The following MYH11 variants were observed in gnomAD, a reference collection of about 807,000 sequenced individuals.
The protein encoded by MYH11 is myosin-11.
A neutral mutation model predicts 246.6 loss-of-function variants in MYH11; 80 were observed. That is an observed-to-expected ratio of 0.32 (90% CI 0.27 to 0.39). The LOEUF is 0.39. Ranked by LOEUF, MYH11 falls within the 10% of genes least tolerant of loss-of-function variation. The pLI, the probability that MYH11 is intolerant of heterozygous loss-of-function variation, is 1.00. For missense variants in MYH11, 2,158 were observed against 2,546.8 expected, an observed-to-expected ratio of 0.85 and a Z score of 3.29; for synonymous variants, 1,071 against 1,015.5, an observed-to-expected ratio of 1.05 and a Z score of -1.04.
rs537264747 is a variant in MYH11, at chr16:15,757,615, A to T, written c.1575+212T>A. Among the ~76,000 whole-genome samples, 3,715 of 151,928 alleles carry T rather than the reference A, an allele frequency of 0.024. 140 individuals carry two copies. Among genetic ancestry groups the T allele is most frequent in the African/African-American group, 0.085 (3,508 of 41,422 alleles). On this transcript the variant is annotated intron_variant, in intron 13 of 40. Coordinates refer to ENST00000300036, the MANE Select transcript of MYH11 (RefSeq NM_002474.3). ...AAAAAGAGGATGGAAGGAAGGCAGA[A>T]ATTAAAGAAAATACCTTTGATATGA...
chr16:15,714,839 AG>A (rs1461646638), intron 40 of MYH11, 69 bp downstream of exon 40: 8 of 1,591,232 alleles, frequency 5.0e-6, no homozygotes, highest in Non-Finnish European at 6.9e-6. Context: ...GCAGGCCGAA[AG>A]GAGCCCGAGC....
intron 5 of MYH11, 140 bp from the exon 6 acceptor site, chr16:15,782,617 T>A: frequency 1.5e-6 from 1 of 675,806 alleles, no homozygotes; most frequent in Non-Finnish European, 2.7e-6. Flanking sequence ...ACCCTGATGC[T>A]AATGTTCAGA....
rs2041004644 is a variant in MYH11, at chr16:15,732,716, G to A, written c.3507-8C>T. The A allele has an allele frequency of 5.6e-6, 9 of 1,614,164 alleles. No individual in the cohort carries two copies. Among genetic ancestry groups the A allele is most frequent in the Non-Finnish European group, 3.4e-6 (4 of 1,180,046 alleles). ...TCCTGCTCCCTCTTGGCCCTTGGTG[G>A]GAGGAACACAGTGAATGGCAGTTGG... On this transcript the variant is annotated splice_polypyrimidine_tract_variant and splice_region_variant and intron_variant, in intron 26 of 40. Transcript: ENST00000300036.
chr16:15,851,734 C>T (rs1167682194), intron 1 of MYH11, among the ~76,000 whole-genome samples: 1 of 152,096 alleles, frequency 6.6e-6, no homozygotes, highest in Non-Finnish European at 1.5e-5. Context: ...TCTGCCTAAT[C>T]ATCTGAATAC....
chr16:15,756,447 G>C lies in MYH11; in HGVS notation c.1643C>G (p.Ser548Cys). Residue 548 changes from serine to cysteine, a missense_variant, in exon 14 of 41, where the codon TCT (serine) becomes TGT (cysteine). This residue lies in a region of MYH11 where 317 missense variants were observed against 507.7 expected (regional missense o/e 0.62). Transcript: ENST00000300036. ...CTCCGTGCACAGCTTCTCCACGAAAGACTTGTCCGTGGCTTTGGGGAACCA... is the reference window on the plus strand; with the variant it reads ...CTCCGTGCACAGCTTCTCCACGAAACACTTGTCCGTGGCTTTGGGGAACCA... ...ECWFPKATDK[S>C]FVEKLCTEQG... 1 of 1,614,174 alleles carries C rather than the reference G, an allele frequency of 6.2e-7. No individual in the cohort carries two copies. The highest frequency in any genetic ancestry group is 8.5e-7 in the Non-Finnish European group (1 of 1,180,042).
At chr16:15,838,419 C>G (rs763966413) in intron 1 of MYH11, 150 bp from the exon 2 acceptor site, 1 of 696,248 alleles carries the variant, frequency 1.4e-6, no homozygotes, top group Non-Finnish European at 2.5e-6. Context: ...GGTCAAAGAA[C>G]AGAGACCACC....
intron 9 of MYH11, among the ~76,000 whole-genome samples, chr16:15,765,371 T>A (rs2041959307): frequency 6.6e-6 from 1 of 151,654 alleles, no homozygotes; most frequent in Non-Finnish European, 1.5e-5. Context: ...GACAGAGGAT[T>A]GATGGATAGA....
chr16:15,737,462 C>T lies in MYH11; in HGVS notation c.3280G>A (p.Ala1094Thr), dbSNP rs2041152851. 2 of 1,613,052 alleles carry T rather than the reference C, an allele frequency of 1.2e-6. No individual in the cohort carries two copies. Among genetic ancestry groups the T allele is most frequent in the Non-Finnish European group, 1.7e-6 (2 of 1,180,028 alleles). Residue 1094 changes from alanine to threonine, a missense_variant, in exon 25 of 41, where the codon GCG becomes ACG. Coordinates refer to ENST00000300036, the MANE Select transcript of MYH11 (RefSeq NM_002474.3). ...CAGCCCCGCTACCTGGCCAGGGCCG[C>T]CTGCAGCTCCTCCTCCTTCTTGGCC... ...QLAKKEEELQAALARLDDEIA... is the reference protein window; with the variant it reads ...QLAKKEEELQTALARLDDEIA...
intron 14 of MYH11, among the ~76,000 whole-genome samples, chr16:15,754,109 C>T (rs1188966969): frequency 2.6e-5 from 4 of 151,702 alleles, no homozygotes; most frequent in Admixed American, 1.3e-4. Flanking sequence ...GCCAGCTACT[C>T]GGGAGGCTGA....
chr16:15,708,523 T>G (rs908854333), intron 40 of MYH11, among the ~76,000 whole-genome samples: 4 of 152,172 alleles, frequency 2.6e-5, no homozygotes, highest in African/African-American at 9.7e-5. Flanking sequence ...CTCTGCCATC[T>G]CGTCAAGATG....
rs2041906027 is a variant in MYH11, at chr16:15,763,149, A to C, written c.1129+647T>G. On this transcript the variant is annotated intron_variant, in intron 10 of 40. Transcript: ENST00000300036. ...AAGGGACATAATTAAAATTTAAAAA[A>C]AGGTTTGTTGTTTACCTAAAATTGA... 3.9e-5 allele frequency among the ~76,000 whole-genome samples: 6 copies of C among 152,304 alleles called. 1 individual carries two copies. The South Asian group carries it at 1.2e-3, about 32-fold the overall frequency.
Position 15,724,261 on chromosome 16 carries a change from T to C in MYH11, c.4265A>G (p.Lys1422Arg). Residue 1422 changes from lysine to arginine, a missense_variant, in exon 31 of 41, where the codon AAG becomes AGG. Coordinates refer to ENST00000300036, the MANE Select transcript of MYH11 (RefSeq NM_002474.3). ...AAAYDKLEKT[K>R]NRLQQELDDL... Reference sequence around the variant, plus strand: ...GTCCAGCTCCTGCTGAAGCCTGTTCTTGGTCTTTTCCAGTTTATCATAAGC... The same window carrying C: ...GTCCAGCTCCTGCTGAAGCCTGTTCCTGGTCTTTTCCAGTTTATCATAAGC... The C allele has an allele frequency of 6.2e-7, 1 of 1,614,246 alleles. No individual in the cohort carries two copies.
chr16:15,782,824 C>T (rs2042387542), intron 5 of MYH11: 1 of 334,152 alleles, frequency 3.0e-6, no homozygotes, highest in Admixed American at 4.2e-5. Context: ...CGGAGTTGTG[C>T]AGTGCACCAC....
At position 15,759,832 on chromosome 16, in the gene MYH11, TCA is replaced by T. The variant is rs1018203379; in HGVS notation, c.1249-106_1249-105del. 2.0e-4 allele frequency: 286 copies of T among 1,432,726 alleles called. 1 individual carries two copies. The Middle Eastern group carries it at 2.9e-3, about 14-fold the overall frequency. The allele number at this position is 1,432,726 out of a possible 1,614,324, so 88.8% of individuals were successfully genotyped here. On this transcript the variant is annotated intron_variant, in intron 11 of 40. Transcript: ENST00000300036. ...TTTATTCTTGGCCGGGTGCAGTGAC[TCA>T]CACTGTAATCCCAGCACTTTGGGAG...
chr16:15,825,114 C>G (rs1356404772), intron 2 of MYH11, among the ~76,000 whole-genome samples: 2 of 152,156 alleles, frequency 1.3e-5, no homozygotes, highest in Non-Finnish European at 2.9e-5. Flanking sequence ...GTCACGTACT[C>G]TATCATCTCA....
At chr16:15,779,935 C>T (rs1039943464) in intron 6 of MYH11, among the ~76,000 whole-genome samples, 2 of 152,238 alleles carry the variant, frequency 1.3e-5, no homozygotes, top group African/African-American at 4.8e-5. Flanking sequence ...ATCCCCTAGG[C>T]TTGCTCAGTC....
chr16:15,763,741 T>TCGCCCCCC, intron 10 of MYH11, 55 bp downstream of exon 10: 4 of 646,854 alleles, frequency 6.2e-6, no homozygotes, highest in East Asian at 3.2e-5. Flanking sequence ...AAATGTCACC[T>TCGCCCCCC]CCCCCACCCC....
At chr16:15,850,927 C>A (rs1456726786) in intron 1 of MYH11, among the ~76,000 whole-genome samples, 1 of 151,908 alleles carries the variant, frequency 6.6e-6, no homozygotes, top group Non-Finnish European at 1.5e-5. Context: ...AAAAATTGCT[C>A]ATATTCTAAA....
intron 1 of MYH11, among the ~76,000 whole-genome samples, chr16:15,840,469 C>T (rs2044024669): frequency 6.6e-6 from 1 of 152,146 alleles, no homozygotes; most frequent in Admixed American, 6.5e-5. Context: ...CAGTGGCTCA[C>T]ACCTGTAATC....
Sources: gnomAD v4.1 joint callset for allele counts (sites outside exome capture counted in the v4.1 genomes callset) on GRCh38, gnomAD v4.1.1 for gene constraint, gnomAD v4.1.1 regional missense constraint, MANE v1.5 for transcripts, NCBI Gene and HGNC (gene_info 2026-07-23, HGNC 2026-07-21) for gene names.